The following MOB3B variants were observed in gnomAD, a reference collection of about 807,000 sequenced individuals.
MOB3B encodes MOB kinase activator 3B, also known as MOB kinase activator-like 2B.
MOB3B carries 7 observed loss-of-function variants against 18.7 expected under a neutral mutation model. The observed-to-expected ratio is 0.37, with a 90% CI of 0.21 to 0.70. MOB3B has a LOEUF of 0.70. Ranked by LOEUF, MOB3B falls within the 30% of genes least tolerant of loss-of-function variation. MOB3B has a pLI of 0.52. For synonymous variants in MOB3B, 111 were observed against 99.9 expected (o/e 1.11, Z -0.66); for missense variants, 253 against 281.3 (o/e 0.90, Z 0.72).
At chr9:27,387,223 T>C (rs182743931) in intron 2 of MOB3B, among the ~76,000 whole-genome samples, 148 of 152,354 alleles carry the variant, frequency 9.7e-4, no homozygotes, top group Admixed American at 8.1e-3. Context: ...TCATGATTTC[T>C]AAAATTCTGT....
intron 2 of MOB3B, among the ~76,000 whole-genome samples, chr9:27,402,883 C>A (rs1821906341): frequency 6.6e-6 from 1 of 152,220 alleles, no homozygotes; most frequent in Non-Finnish European, 1.5e-5. Flanking sequence ...AGACAGCCAA[C>A]AGCTTGCAAT....
chr9:27,463,995 T>A (rs769379058), intron 1 of MOB3B, among the ~76,000 whole-genome samples: 1 of 152,038 alleles, frequency 6.6e-6, no homozygotes, highest in South Asian at 2.1e-4. Flanking sequence ...AGGATAACGG[T>A]TAATGGTGCT....
At chr9:27,528,303 G>A (rs530672051) in intron 1 of MOB3B, among the ~76,000 whole-genome samples, 1 of 152,186 alleles carries the variant, frequency 6.6e-6, no homozygotes, top group East Asian at 1.9e-4. Context: ...CCCTAGCAGC[G>A]GCCCAGCCCC....
chr9:27,359,460 A>G (rs1481964681), intron 2 of MOB3B, among the ~76,000 whole-genome samples: 1 of 152,026 alleles, frequency 6.6e-6, no homozygotes, highest in African/African-American at 2.4e-5. Context: ...TACAGCCAAC[A>G]GTGGCCATAT....
chr9:27,514,051 A>G (rs1265321241), intron 1 of MOB3B, among the ~76,000 whole-genome samples: 3 of 152,154 alleles, frequency 2.0e-5, no homozygotes, highest in African/African-American at 7.2e-5. Context: ...TCTGGCAGGG[A>G]TGTATATAGG....
At chr9:27,331,460 G>A (rs1190485722) in intron 3 of MOB3B, among the ~76,000 whole-genome samples, 1 of 149,954 alleles carries the variant, frequency 6.7e-6, no homozygotes, top group African/African-American at 2.4e-5. Context: ...GTATGAATTT[G>A]TACATCTCTG....
intron 1 of MOB3B, among the ~76,000 whole-genome samples, chr9:27,491,824 G>C (rs181834345): frequency 0.011 from 1,620 of 152,272 alleles, 13 homozygotes; most frequent in Middle Eastern, 0.017. Context: ...AGTGAGCCGA[G>C]ATCGCACCAC....
intron 1 of MOB3B, among the ~76,000 whole-genome samples, chr9:27,527,322 A>G (rs559362006): frequency 6.6e-6 from 1 of 152,280 alleles, no homozygotes; most frequent in African/African-American, 2.4e-5. Flanking sequence ...CATTTTCATA[A>G]TGAAATGTTT....
At chr9:27,412,697 T>TG (rs1451295056) in intron 2 of MOB3B, among the ~76,000 whole-genome samples, 37 of 152,138 alleles carry the variant, frequency 2.4e-4, no homozygotes, top group Admixed American at 2.4e-3. Context: ...AAGACAGTGA[T>TG]GGGGGTTTAA....
chr9:27,378,880 C>T (rs1587167568), intron 2 of MOB3B: 2 of 375,662 alleles, frequency 5.3e-6, no homozygotes, highest in East Asian at 1.5e-4. Flanking sequence ...TCCAGGGCCA[C>T]AAAGCTAACA....
chr9:27,474,654 G>T (rs557924612), intron 1 of MOB3B, among the ~76,000 whole-genome samples: 48 of 152,274 alleles, frequency 3.2e-4, no homozygotes, highest in Non-Finnish European at 5.4e-4. Flanking sequence ...AAAAAGAAGG[G>T]CAAGAAGGGA....
intron 2 of MOB3B, among the ~76,000 whole-genome samples, chr9:27,405,093 CTTTTTTTTTTTTTTTTT>C (rs74178386): frequency 1.7e-4 from 8 of 48,416 alleles, no homozygotes; most frequent in African/African-American, 1.8e-4. Context: ...GAACCTTTGT[CTTTTTTTTTTTTTTTTT>C]TTTTTTTTTT....
rs1332996766 is a variant in MOB3B at position 27,432,902 on chromosome 9, TG to T, written c.418+22230del. Among the ~76,000 whole-genome samples the T allele has an allele frequency of 8.1e-4, 124 of 152,344 alleles. 1 individual carries two copies. Among genetic ancestry groups the T allele is most frequent in the Middle Eastern group, 6.8e-3 (2 of 294 alleles). ...GAGAAAGGAAGCTGTTTTCCATCTT[TG>T]CTAAAAGCACAAAAATATTCCCCAA... On this transcript the variant is annotated intron_variant, in intron 2 of 3. Transcript: ENST00000262244.
intron 1 of MOB3B, among the ~76,000 whole-genome samples, chr9:27,511,771 G>A (rs2131501514): frequency 6.6e-6 from 1 of 152,074 alleles, no homozygotes; most frequent in East Asian, 1.9e-4. Context: ...TCTCTATTGG[G>A]CATCTATAAT....
chr9:27,394,633 A>C (rs1243815465), intron 2 of MOB3B, among the ~76,000 whole-genome samples: 3 of 152,370 alleles, frequency 2.0e-5, no homozygotes, highest in Non-Finnish European at 4.4e-5. Context: ...TTTAGTGTAT[A>C]GGAACCTGAC....
At chr9:27,351,096 T>C (rs1821099278) in intron 3 of MOB3B, among the ~76,000 whole-genome samples, 1 of 151,822 alleles carries the variant, frequency 6.6e-6, no homozygotes, top group African/African-American at 2.4e-5. Flanking sequence ...AGAGATGGGG[T>C]TTCACCATTT....
intron 2 of MOB3B, among the ~76,000 whole-genome samples, chr9:27,417,959 G>A (rs529820479): frequency 3.3e-4 from 50 of 151,924 alleles, no homozygotes; most frequent in Non-Finnish European, 5.2e-4. Context: ...GGGTGTGGTG[G>A]CACACGCCTG....
At chr9:27,472,747 C>T (rs1429846561) in intron 1 of MOB3B, among the ~76,000 whole-genome samples, 2 of 149,184 alleles carry the variant, frequency 1.3e-5, no homozygotes, top group Non-Finnish European at 3.0e-5. Context: ...TATATAAGCA[C>T]CAGATGATTC....
chr9:27,349,592 C>T (rs1821076468), intron 3 of MOB3B, among the ~76,000 whole-genome samples: 1 of 151,936 alleles, frequency 6.6e-6, no homozygotes, highest in African/African-American at 2.4e-5. Context: ...CGAATTAATC[C>T]CTGCTGTGAC....
Sources: allele counts gnomAD v4.1 joint callset (sites outside exome capture counted in the v4.1 genomes callset), GRCh38; gene constraint gnomAD v4.1.1; transcripts MANE v1.5; gene names NCBI Gene and HGNC (gene_info 2026-07-23, HGNC 2026-07-21).